Variants in NEO1 observed in about 807,000 individuals in gnomAD.
The protein encoded by NEO1 is neogenin 1.
Under a neutral mutation model 159.7 loss-of-function variants are expected in NEO1, and 63 were observed. The observed-to-expected ratio is 0.39, with a 90% CI of 0.32 to 0.49. The LOEUF (loss-of-function observed/expected upper bound fraction) is 0.49, where lower values mean the gene tolerates loss of function less well. Ranked by LOEUF, NEO1 falls within the 20% of genes least tolerant of loss-of-function variation. The pLI is 0.85. For missense variants in NEO1, 1,615 were observed against 1,831.0 expected, an observed-to-expected ratio of 0.88 and a Z score of 2.15; for synonymous variants, 633 against 662.0, an observed-to-expected ratio of 0.96 and a Z score of 0.67.
At chr15:73,108,953 A>C (rs955499069) in intron 1 of NEO1, among the ~76,000 whole-genome samples, 21 of 152,186 alleles carry the variant, frequency 1.4e-4, no homozygotes, top group Non-Finnish European at 1.0e-4. Flanking sequence ...GTGATAGGAG[A>C]TTAGGTTGGA....
Position 73,298,383 on chromosome 15 carries a change from C to G in NEO1, c.3937C>G (p.Pro1313Ala). ...VRNTPSTDTM[P>A]ASSSQTCCTD... is the part of the protein sequence containing the mutation. The stretch of plus-strand genomic sequence containing the variant: ...AAATACCCCCAGCACTGACACCATG[C>G]CAGCCTCTTCGTCTCAAACATGCTG... Residue 1313 changes from proline (P) to alanine (A), a missense_variant, in exon 27 of 29, where the codon CCA becomes GCA. Coordinates refer to ENST00000261908, the MANE Select transcript of NEO1 (RefSeq NM_002499.4). The G allele has an allele frequency of 6.2e-7, 1 of 1,614,196 alleles. No individual in the cohort carries two copies. The highest frequency in any genetic ancestry group is 8.5e-7 in the Non-Finnish European group (1 of 1,180,034).
chr15:73,068,248 A>G (rs1210523469), intron 1 of NEO1, among the ~76,000 whole-genome samples: 1 of 84,560 alleles, frequency 1.2e-5, no homozygotes, highest in Non-Finnish European at 2.3e-5. Context: ...TTTTTGAGAC[A>G]GTGTCTCACT....
In NEO1 at chr15:73,304,959, C is replaced by T. The variant is rs1035510281; in HGVS notation, c.*2263C>T. 23 of 152,066 alleles carry T rather than the reference C, an allele frequency of 1.5e-4. No homozygotes were observed. The highest frequency in any genetic ancestry group is 5.6e-4 in the African/African-American group (23 of 41,390). The allele number at this position is 152,066 out of a possible 1,614,324, so 9.4% of individuals were successfully genotyped here. On this transcript the variant is annotated 3_prime_UTR_variant, in exon 29 of 29. Coordinates refer to ENST00000261908, the MANE Select transcript of NEO1 (RefSeq NM_002499.4). ...TTTTCCTGTGATTTTCGAAACTAAACCATTGTGTGTCCTGTAGTGTCCTGG... is the reference window on the plus strand; with the variant it reads ...TTTTCCTGTGATTTTCGAAACTAAATCATTGTGTGTCCTGTAGTGTCCTGG...
intron 22 of NEO1, 136 bp from the exon 23 acceptor site, chr15:73,282,828 C>T (rs1395569607): frequency 1.4e-5 from 14 of 1,022,370 alleles, no homozygotes; most frequent in Admixed American, 6.9e-5. Flanking sequence ...GCCATGTTCA[C>T]GCGGCACTTT....
intron 1 of NEO1, among the ~76,000 whole-genome samples, chr15:73,104,421 A>G (rs189227894): frequency 6.6e-6 from 1 of 152,240 alleles, no homozygotes; most frequent in Non-Finnish European, 1.5e-5. Flanking sequence ...GTGGAGGTGT[A>G]CTTTAGAAAT....
intron 26 of NEO1, among the ~76,000 whole-genome samples, chr15:73,295,124 A>AT (rs1291095650): frequency 6.2e-5 from 8 of 129,014 alleles, no homozygotes; most frequent in African/African-American, 1.7e-4. Flanking sequence ...ACTAAATATT[A>AT]AATATATATA....
chr15:73,072,943 A>G (rs2068605355), intron 1 of NEO1, among the ~76,000 whole-genome samples: 1 of 152,190 alleles, frequency 6.6e-6, no homozygotes, highest in African/African-American at 2.4e-5. Flanking sequence ...GCATAGCAGG[A>G]TGATGGGTGC....
At chr15:73,173,488 A>C (rs1478036918) in intron 5 of NEO1, among the ~76,000 whole-genome samples, 2 of 152,174 alleles carry the variant, frequency 1.3e-5, no homozygotes, top group Non-Finnish European at 2.9e-5. Context: ...TGATCTTGCC[A>C]GATATATGTA....
chr15:73,090,898 G>A (rs1032818324), intron 1 of NEO1, among the ~76,000 whole-genome samples: 1 of 152,148 alleles, frequency 6.6e-6, no homozygotes, highest in Non-Finnish European at 1.5e-5. Context: ...TATGTGCTAA[G>A]TACTGTGTTA....
intron 1 of NEO1, among the ~76,000 whole-genome samples, chr15:73,113,221 C>A (rs2071103754): frequency 6.6e-6 from 1 of 150,754 alleles, no homozygotes; most frequent in African/African-American, 2.4e-5. Flanking sequence ...AAACACTCAT[C>A]AGAATTTACA....
intron 2 of NEO1, among the ~76,000 whole-genome samples, chr15:73,118,606 G>A (rs929160742): frequency 2.0e-5 from 3 of 152,032 alleles, no homozygotes; most frequent in Non-Finnish European, 4.4e-5. Context: ...CCTCTGCTAA[G>A]TTTGTCCATT....
In NEO1 at chr15:73,278,071, G is replaced by A. The variant is rs914424158; in HGVS notation, c.3194-60G>A. 1.3e-5 allele frequency: 19 copies of A among 1,461,612 alleles called. No homozygotes were observed. The East Asian group carries it at 4.1e-4, about 32-fold the overall frequency. 90.5% of individuals were successfully genotyped at this position (1,461,612 alleles called of 1,614,324 possible). ...TTTGTTTAAAACACTCCCTAGCTAT[G>A]AAGTGGACTGTCACGCCAAATGTGT... On this transcript the variant is annotated intron_variant, in intron 21 of 28. Coordinates refer to ENST00000261908, the MANE Select transcript of NEO1 (RefSeq NM_002499.4).
At chr15:73,160,386 A>G (rs2034086313) in intron 5 of NEO1, among the ~76,000 whole-genome samples, 1 of 152,136 alleles carries the variant, frequency 6.6e-6, no homozygotes, top group Non-Finnish European at 1.5e-5. Flanking sequence ...AAACAGTACT[A>G]CTTACTAAAT....
Position 73,171,400 on chromosome 15 carries a change from T to A in NEO1, c.1016-5003T>A, listed in dbSNP as rs116515037. Among the ~76,000 whole-genome samples, 1,457 of 151,744 alleles carry A rather than the reference T, an allele frequency of 9.6e-3. 22 individuals are homozygous for A. Among genetic ancestry groups the A allele is most frequent in the African/African-American group, 0.033 (1,378 of 41,374 alleles). On this transcript the variant is annotated intron_variant, in intron 5 of 28. Coordinates refer to ENST00000261908, the MANE Select transcript of NEO1 (RefSeq NM_002499.4). ...CAACATAGTGAGACCTCCTCTGTAT[T>A]AAAAAATCAAAAAATTAGCTGGGTG...
intron 5 of NEO1, among the ~76,000 whole-genome samples, chr15:73,174,730 CTT>C (rs1420542514): frequency 6.6e-6 from 1 of 152,016 alleles, no homozygotes; most frequent in African/African-American, 2.4e-5. Flanking sequence ...ACCAAAAGCT[CTT>C]ATATATAGAT....
intron 7 of NEO1, among the ~76,000 whole-genome samples, chr15:73,230,633 C>G (rs1165694850): frequency 6.6e-6 from 1 of 152,168 alleles, no homozygotes; most frequent in African/African-American, 2.4e-5. Flanking sequence ...CACAATCACC[C>G]AGGCTGGACT....
At chr15:73,078,146 G>A (rs2068866997) in intron 1 of NEO1, among the ~76,000 whole-genome samples, 2 of 152,150 alleles carry the variant, frequency 1.3e-5, no homozygotes, top group African/African-American at 4.8e-5. Context: ...CTGTGAATTG[G>A]AAGAGTGGGT....
At chr15:73,231,517 G>C (rs376392562) in intron 7 of NEO1, among the ~76,000 whole-genome samples, 2 of 152,152 alleles carry the variant, frequency 1.3e-5, no homozygotes, top group African/African-American at 4.8e-5. Context: ...TGGATTGCAT[G>C]AGCTCAGGAG....
intron 16 of NEO1, 79 bp downstream of exon 16, chr15:73,266,490 T>C (rs2040905835): frequency 2.0e-6 from 2 of 1,021,158 alleles, no homozygotes; most frequent in Non-Finnish European, 2.8e-6. Flanking sequence ...GCCTATCCCA[T>C]AGGTGTTAGG....
Sources: gnomAD v4.1 joint callset for allele counts (sites outside exome capture counted in the v4.1 genomes callset) on GRCh38, gnomAD v4.1.1 for gene constraint, MANE v1.5 for transcripts, NCBI Gene and HGNC (gene_info 2026-07-23, HGNC 2026-07-21) for gene names.